The following TMEM132D variants were observed in gnomAD, a reference collection of about 807,000 sequenced individuals.
TMEM132D encodes transmembrane protein 132D.
In TMEM132D, 21 loss-of-function variants were observed where a neutral mutation model predicts 62.3. The observed-to-expected ratio is 0.34, with a 90% confidence interval of 0.24 to 0.49. The LOEUF is 0.49. Among genes scored for constraint, TMEM132D ranks in the 20% least tolerant of loss-of-function variants. TMEM132D has a pLI of 0.99. For missense variants in TMEM132D, 1,346 were observed against 1,402.8 expected (o/e 0.96, Z 0.65); for synonymous variants, 621 against 575.6 (o/e 1.08, Z -1.13).
chr12:129,759,258 C>T (rs554775050), intron 1 of TMEM132D, among the ~76,000 whole-genome samples: 1 of 152,262 alleles, frequency 6.6e-6, no homozygotes, highest in South Asian at 2.1e-4. Context: ...TCTTAGCCAC[C>T]AAGCTCTGTT....
chr12:129,518,640 CTA>C (rs1204313780), intron 3 of TMEM132D, among the ~76,000 whole-genome samples: 3 of 151,740 alleles, frequency 2.0e-5, no homozygotes, highest in Non-Finnish European at 2.9e-5. Flanking sequence ...GGTTGCTACT[CTA>C]TATGTTTTAT....
At chr12:129,817,459 C>T (rs1872380292) in intron 1 of TMEM132D, among the ~76,000 whole-genome samples, 1 of 151,858 alleles carries the variant, frequency 6.6e-6, no homozygotes, top group African/African-American at 2.4e-5. Flanking sequence ...CAACCGCTCG[C>T]TCTCTCTCCC....
chr12:129,696,488 C>T, intron 2 of TMEM132D, among the ~76,000 whole-genome samples: 1 of 152,208 alleles, frequency 6.6e-6, no homozygotes, highest in African/African-American at 2.4e-5. Flanking sequence ...TTCTAGGCCC[C>T]CCGGCTGACT....
At chr12:129,722,290 T>C (rs1868862675) in intron 1 of TMEM132D, among the ~76,000 whole-genome samples, 1 of 152,168 alleles carries the variant, frequency 6.6e-6, no homozygotes, top group African/African-American at 2.4e-5. Context: ...AGGGAGCCAC[T>C]GGCTCGTGGC....
intron 2 of TMEM132D, among the ~76,000 whole-genome samples, chr12:129,688,437 G>C (rs1469187569): frequency 6.6e-6 from 1 of 152,088 alleles, no homozygotes; most frequent in Non-Finnish European, 1.5e-5. Context: ...GTCCTAATGA[G>C]CCATTGCTAT....
At chr12:129,292,361 A>G (rs1056016241) in intron 4 of TMEM132D, among the ~76,000 whole-genome samples, 1 of 152,216 alleles carries the variant, frequency 6.6e-6, no homozygotes, top group Non-Finnish European at 1.5e-5. Context: ...AAGTAGCTGT[A>G]ACTGACTCCC....
intron 3 of TMEM132D, among the ~76,000 whole-genome samples, chr12:129,350,678 T>G (rs990340083): frequency 1.3e-5 from 2 of 152,204 alleles, no homozygotes; most frequent in Non-Finnish European, 2.9e-5. Flanking sequence ...TGTGGAGAAT[T>G]GCCACTTTCC....
chr12:129,677,337 G>A (rs970959454), intron 2 of TMEM132D, among the ~76,000 whole-genome samples: 7 of 152,152 alleles, frequency 4.6e-5, no homozygotes, highest in Middle Eastern at 3.2e-3. Flanking sequence ...CACATAAGAC[G>A]TGACTTGCTC....
chr12:129,854,366 A>T (rs114365300), intron 1 of TMEM132D, among the ~76,000 whole-genome samples: 4,307 of 152,282 alleles, frequency 0.028, 74 homozygotes, highest in African/African-American at 0.032. Context: ...TCACAGGCCA[A>T]GGAAGTCAGA....
chr12:129,539,886 G>A (rs1876537698), intron 2 of TMEM132D, among the ~76,000 whole-genome samples: 1 of 152,118 alleles, frequency 6.6e-6, no homozygotes, highest in Non-Finnish European at 1.5e-5. Flanking sequence ...TGCCAACTCA[G>A]GGGAGCCCAG....
chr12:129,504,470 G>A (rs1321047955), intron 3 of TMEM132D, among the ~76,000 whole-genome samples: 1 of 151,984 alleles, frequency 6.6e-6, no homozygotes, highest in Non-Finnish European at 1.5e-5. Context: ...ATTTAAGCTG[G>A]GTGGGTTTTA....
chr12:129,575,236 G>A (rs1043424555), intron 2 of TMEM132D, among the ~76,000 whole-genome samples: 4 of 151,658 alleles, frequency 2.6e-5, no homozygotes, highest in African/African-American at 9.7e-5. Context: ...TATGTTAACT[G>A]GCTGTTTTTG....
chr12:129,449,089 G>A (rs571984714), intron 3 of TMEM132D, among the ~76,000 whole-genome samples: 7 of 152,080 alleles, frequency 4.6e-5, no homozygotes, highest in Non-Finnish European at 7.4e-5. Flanking sequence ...TTTATCTTCC[G>A]GATAAAGTGA....
intron 5 of TMEM132D, among the ~76,000 whole-genome samples, chr12:129,173,244 A>G (rs1387052031): frequency 6.6e-6 from 1 of 152,220 alleles, no homozygotes; most frequent in Non-Finnish European, 1.5e-5. Flanking sequence ...TTGGAAGCAG[A>G]GTAAAGCTAG....
At chr12:129,586,390 GT>G in intron 2 of TMEM132D, among the ~76,000 whole-genome samples, 1 of 152,296 alleles carries the variant, frequency 6.6e-6, no homozygotes, top group South Asian at 2.1e-4. Context: ...AATTCAGGGT[GT>G]TTTTGGCTAT....
chr12:129,100,527 T>G (rs900658367), intron 5 of TMEM132D, among the ~76,000 whole-genome samples: 2 of 152,212 alleles, frequency 1.3e-5, no homozygotes, highest in Admixed American at 1.3e-4. Context: ...AGGATGGCAG[T>G]GAATGTGCAG....
chr12:129,314,020 G>A (rs144270642), intron 4 of TMEM132D, among the ~76,000 whole-genome samples: 1 of 152,182 alleles, frequency 6.6e-6, no homozygotes, highest in Non-Finnish European at 1.5e-5. Context: ...TTTGAGAATT[G>A]TCTATTCATG....
At chr12:129,425,492 C>T (rs1435448958) in intron 3 of TMEM132D, among the ~76,000 whole-genome samples, 3 of 151,546 alleles carry the variant, frequency 2.0e-5, no homozygotes, top group African/African-American at 7.3e-5. Context: ...ATTGACATGA[C>T]TGGCTTAATG....
intron 2 of TMEM132D, among the ~76,000 whole-genome samples, chr12:129,633,131 C>T (rs898632086): frequency 6.6e-6 from 1 of 152,192 alleles, no homozygotes; most frequent in Non-Finnish European, 1.5e-5. Context: ...TTTACCGTCG[C>T]ATTACAGACA....
Sources: allele counts gnomAD v4.1 joint callset (sites outside exome capture counted in the v4.1 genomes callset), GRCh38; gene constraint gnomAD v4.1.1; transcripts MANE v1.5; gene names NCBI Gene and HGNC (gene_info 2026-07-23, HGNC 2026-07-21).